The following MYRIP variants were observed in gnomAD, a reference collection of about 807,000 sequenced individuals.
MYRIP encodes rab effector MyRIP.
A neutral mutation model predicts 98.0 loss-of-function variants in MYRIP; 49 were observed. The observed-to-expected ratio is 0.50, with a 90% CI of 0.40 to 0.63. MYRIP has a LOEUF of 0.63. Among genes scored for constraint, MYRIP ranks in the 30% least tolerant of loss-of-function variants. The pLI is 0.00. For synonymous variants in MYRIP, 404 were observed against 409.5 expected (o/e 0.99, Z 0.16); for missense variants, 1,004 against 1,058.2 (o/e 0.95, Z 0.71).
intron 2 of MYRIP, among the ~76,000 whole-genome samples, chr3:40,034,417 TG>T (rs1947331201): frequency 6.6e-6 from 1 of 152,092 alleles, no homozygotes; most frequent in African/African-American, 2.4e-5. Context: ...GCGAAGGATA[TG>T]AACAGACACT....
rs771708591 is a variant in MYRIP at position 40,234,064 on chromosome 3, A to G, written c.2100+11A>G. 2.1e-5 allele frequency: 34 copies of G among 1,593,554 alleles called. No individual in the cohort carries two copies. In the South Asian group the frequency reaches 3.0e-4, roughly 14 times the overall value. On this transcript the variant is annotated intron_variant, in intron 12 of 16. Coordinates refer to ENST00000302541, the MANE Select transcript of MYRIP (RefSeq NM_015460.4). ...TCCCTGGAAGAAAATGTAAGAGGGT[A>G]TGGAGGTGCCCTGTCTAGGGTGAAT...
At chr3:40,241,688 T>C (rs1340875793) in intron 12 of MYRIP, among the ~76,000 whole-genome samples, 1 of 152,162 alleles carries the variant, frequency 6.6e-6, no homozygotes, top group East Asian at 1.9e-4. Flanking sequence ...TGAACCACTC[T>C]GAGAAAGCCT....
rs553502113 is a variant in MYRIP at position 39,885,891 on chromosome 3, C to A, written c.-30-14896C>A. On this transcript the variant is annotated intron_variant, in intron 1 of 16. Transcript: ENST00000302541. Reference sequence around the variant, plus strand: ...CTCTGTGTTGGTTATTCTAGTTATACATTCTTCTAAATTTTTTTCAAAGTT... The same window carrying A: ...CTCTGTGTTGGTTATTCTAGTTATAAATTCTTCTAAATTTTTTTCAAAGTT... Among the ~76,000 whole-genome samples, 10 of 152,028 alleles carry A rather than the reference C, an allele frequency of 6.6e-5. No homozygotes were observed. In the South Asian group the frequency reaches 1.2e-3, roughly 19 times the overall value.
intron 3 of MYRIP, among the ~76,000 whole-genome samples, chr3:40,060,302 A>G (rs151257682): frequency 6.6e-6 from 1 of 152,288 alleles, no homozygotes; most frequent in Non-Finnish European, 1.5e-5. Context: ...CCTTTACTCT[A>G]TCATTTTTAA....
At chr3:39,958,024 A>G (rs1945213708) in intron 2 of MYRIP, among the ~76,000 whole-genome samples, 1 of 152,172 alleles carries the variant, frequency 6.6e-6, no homozygotes. Context: ...TCCACGAAAT[A>G]AAAGAGGATA....
Position 39,835,573 on chromosome 3 carries a change from G to T in MYRIP, c.-31+25657G>T, listed in dbSNP as rs537162747. 1.3e-4 allele frequency among the ~76,000 whole-genome samples: 20 copies of T among 150,780 alleles called. No homozygotes were observed. In the South Asian group the frequency reaches 1.5e-3, roughly 11 times the overall value. On this transcript the variant is annotated intron_variant, in intron 1 of 16. Transcript: ENST00000302541. ...TTTGAAGATGAGAAAATAACATGCT[G>T]CTTGTGAAGGCACACTATAAGTAAG...
At chr3:39,845,852 CA>C (rs3062461) in intron 1 of MYRIP, among the ~76,000 whole-genome samples, 1,123 of 96,928 alleles carry the variant, frequency 0.012, 5 homozygotes, top group African/African-American at 0.034. Flanking sequence ...TTTCCCCTAC[CA>C]AAAAAAAAAA....
chr3:40,000,930 G>A (rs1559555875), intron 2 of MYRIP, among the ~76,000 whole-genome samples: 1 of 152,060 alleles, frequency 6.6e-6, no homozygotes, highest in Non-Finnish European at 1.5e-5. Flanking sequence ...TGAATACCTG[G>A]GAAAACATGT....
Position 40,162,863 on chromosome 3 carries a change from C to A in MYRIP, c.550+53C>A, listed in dbSNP as rs113166391. ...CTGGGAAGTTGGAGTAATAGAAACA[C>A]CTACAGGTACAGGTACTGCCAGGGT... On this transcript the variant is annotated intron_variant, in intron 5 of 16. Transcript: ENST00000302541. 13 of 1,513,166 alleles carry A rather than the reference C, an allele frequency of 8.6e-6. 1 individual carries two copies. In the African/African-American group the frequency reaches 9.6e-5, roughly 11 times the overall value. 93.7% of individuals were successfully genotyped at this position (1,513,166 alleles called of 1,614,324 possible). A position where few individuals can be genotyped will look rare whatever the true frequency, so the allele number is the denominator to read the frequency against.
intron 1 of MYRIP, among the ~76,000 whole-genome samples, chr3:39,876,581 T>C (rs140838057): frequency 0.018 from 2,795 of 151,804 alleles, 132 homozygotes; most frequent in African/African-American, 0.064. Context: ...TAAAGGATTT[T>C]ATTTCTCCTT....
At chr3:39,937,944 A>C (rs1944695210) in intron 2 of MYRIP, among the ~76,000 whole-genome samples, 1 of 152,214 alleles carries the variant, frequency 6.6e-6, no homozygotes, top group African/African-American at 2.4e-5. Context: ...AGTAAAATTC[A>C]AATGAAAAGG....
chr3:39,996,250 G>C (rs1946350898), intron 2 of MYRIP, among the ~76,000 whole-genome samples: 1 of 152,142 alleles, frequency 6.6e-6, no homozygotes, highest in Non-Finnish European at 1.5e-5. Context: ...ATTGGATAAA[G>C]AGTCAAGACC....
At chr3:39,899,215 A>C (rs4676533) in intron 1 of MYRIP, among the ~76,000 whole-genome samples, 2 of 151,796 alleles carry the variant, frequency 1.3e-5, no homozygotes, top group Admixed American at 1.3e-4. Flanking sequence ...ACTTGTATGC[A>C]TGCTGTACAT....
chr3:39,956,597 C>G (rs1945170033), intron 2 of MYRIP, among the ~76,000 whole-genome samples: 1 of 151,812 alleles, frequency 6.6e-6, no homozygotes, highest in Non-Finnish European at 1.5e-5. Context: ...AAATGGACAC[C>G]CCAACATCAC....
chr3:40,081,728 C>T (rs187130290), intron 3 of MYRIP, among the ~76,000 whole-genome samples: 69 of 152,246 alleles, frequency 4.5e-4, no homozygotes, highest in South Asian at 6.2e-4. Context: ...TGAAATACAA[C>T]GTATATTATT....
chr3:39,956,308 C>G (rs138268191), intron 2 of MYRIP, among the ~76,000 whole-genome samples: 1 of 152,226 alleles, frequency 6.6e-6, no homozygotes, highest in African/African-American at 2.4e-5. Context: ...TGTAAAAGAA[C>G]AGAAATGATA....
At chr3:40,005,165 C>G (rs1946605678) in intron 2 of MYRIP, among the ~76,000 whole-genome samples, 1 of 152,184 alleles carries the variant, frequency 6.6e-6, no homozygotes, top group Non-Finnish European at 1.5e-5. Flanking sequence ...CATTTACTTA[C>G]TTTATCCAAT....
At chr3:40,212,156 GTATATATATATACATATATATACGTGTA>G (rs1372457068) in intron 11 of MYRIP, among the ~76,000 whole-genome samples, 17,808 of 36,284 alleles carry the variant, frequency 0.49, 5,471 homozygotes, top group Middle Eastern at 0.62. Context: ...ATATATACGT[GTATATATATATACATATATATACGTGTA>G]TGTGTATATA....
intron 8 of MYRIP, among the ~76,000 whole-genome samples, chr3:40,170,335 AAAATAC>A (rs1319700188): frequency 3.0e-4 from 45 of 152,366 alleles, no homozygotes; most frequent in African/African-American, 1.1e-3. Flanking sequence ...CAATTTAGGA[AAAATAC>A]AAATGCTGAT....
Sources: allele counts gnomAD v4.1 joint callset (sites outside exome capture counted in the v4.1 genomes callset), GRCh38; gene constraint gnomAD v4.1.1; transcripts MANE v1.5; gene names NCBI Gene and HGNC (gene_info 2026-07-23, HGNC 2026-07-21).